ERC1: variants seen among roughly 807,000 people sequenced by gnomAD.
ERC1 encodes the protein ELKS/RAB6-interacting/CAST family member 1, also known as RAB6 interacting protein 2.
In ERC1, 56 loss-of-function variants were observed where a neutral mutation model predicts 132.0. That is an observed-to-expected ratio of 0.42 (90% CI 0.34 to 0.53). ERC1 has a LOEUF of 0.53. Among genes scored for constraint, ERC1 ranks in the 20% least tolerant of loss-of-function variants. The pLI is 0.03. For synonymous variants in ERC1, 478 were observed against 476.1 expected (o/e 1.00, Z -0.05); for missense variants, 1,202 against 1,349.9 (o/e 0.89, Z 1.72).
chr12:1,255,581 TG>T (rs2076745374), intron 13 of ERC1, among the ~76,000 whole-genome samples: 1 of 149,808 alleles, frequency 6.7e-6, no homozygotes. Flanking sequence ...AAAGCATTCC[TG>T]TTTTTCCACA....
chr12:1,180,253 A>T, intron 8 of ERC1, among the ~76,000 whole-genome samples: 2 of 146,700 alleles, frequency 1.4e-5, no homozygotes, highest in African/African-American at 5.0e-5. Flanking sequence ...TTTGTTAGGG[A>T]TGTGTGTGTG....
intron 2 of ERC1, among the ~76,000 whole-genome samples, chr12:1,041,536 G>C (rs1970216407): frequency 6.6e-6 from 1 of 152,110 alleles, no homozygotes; most frequent in South Asian, 2.1e-4. Flanking sequence ...AAGGAAAGGA[G>C]GACTACAAAT....
intron 12 of ERC1, among the ~76,000 whole-genome samples, chr12:1,200,880 G>A (rs1401126753): frequency 1.3e-5 from 2 of 152,044 alleles, no homozygotes; most frequent in Non-Finnish European, 2.9e-5. Context: ...TCTTACCATT[G>A]CCCATAATAT....
chr12:1,237,853 AT>A (rs1294277016), intron 13 of ERC1, among the ~76,000 whole-genome samples: 1 of 152,198 alleles, frequency 6.6e-6, no homozygotes, highest in African/African-American at 2.4e-5. Flanking sequence ...CTAGTTAACA[AT>A]TTCTAATTGG....
chr12:1,180,290 C>T (rs1250941377), intron 8 of ERC1, among the ~76,000 whole-genome samples: 348 of 130,030 alleles, frequency 2.7e-3, no homozygotes, highest in African/African-American at 0.015. Flanking sequence ...TGTGCGCGCA[C>T]GCGTGTGCGC....
intron 12 of ERC1, among the ~76,000 whole-genome samples, chr12:1,212,417 C>T (rs1387876889): frequency 6.6e-6 from 1 of 152,150 alleles, no homozygotes; most frequent in Admixed American, 6.5e-5. Context: ...ATCACCACCA[C>T]CTCCACCTCC....
intron 14 of ERC1, among the ~76,000 whole-genome samples, chr12:1,287,050 T>C (rs1024399741): frequency 3.3e-5 from 5 of 152,158 alleles, no homozygotes; most frequent in Admixed American, 6.5e-5. Flanking sequence ...ATTAAGATAA[T>C]GAATGTAGTA....
chr12:1,007,540 CTGTG>C (rs10570281), intron 1 of ERC1, among the ~76,000 whole-genome samples: 6,434 of 122,642 alleles, frequency 0.052, 264 homozygotes, highest in Admixed American at 0.14. Flanking sequence ...CTCTCTCTCT[CTGTG>C]TGTGTGTGTG....
intron 15 of ERC1, among the ~76,000 whole-genome samples, chr12:1,311,740 G>C (rs2081322225): frequency 6.6e-6 from 1 of 152,142 alleles, no homozygotes; most frequent in African/African-American, 2.4e-5. Flanking sequence ...TCAAAAAGAT[G>C]CAATTGCTTT....
chr12:1,434,761 T>C (rs2092904495), intron 17 of ERC1, among the ~76,000 whole-genome samples: 1 of 152,182 alleles, frequency 6.6e-6, no homozygotes, highest in Non-Finnish European at 1.5e-5. Flanking sequence ...ATGGTCCAGG[T>C]TGTGTAATCT....
chr12:1,245,940 T>C (rs1021270448), intron 13 of ERC1, among the ~76,000 whole-genome samples: 1 of 152,184 alleles, frequency 6.6e-6, no homozygotes, highest in Admixed American at 6.5e-5. Context: ...GATTTTTTTT[T>C]CTTTTTTTAA....
At chr12:1,467,439 A>G (rs918820339) in intron 18 of ERC1, among the ~76,000 whole-genome samples, 14 of 152,156 alleles carry the variant, frequency 9.2e-5, no homozygotes, top group Non-Finnish European at 1.9e-4. Context: ...CAATGGCCAG[A>G]TTAAAAACCA....
intron 3 of ERC1, among the ~76,000 whole-genome samples, chr12:1,102,727 T>G (rs1248915689): frequency 6.6e-6 from 1 of 152,172 alleles, no homozygotes; most frequent in Non-Finnish European, 1.5e-5. Context: ...TAGAGAATAA[T>G]AAGTAAACAT....
In ERC1 at chr12:1,023,658, A is replaced by G. The variant is rs376988893; in HGVS notation, c.-156-4090A>G. Among the ~76,000 whole-genome samples, 32 of 152,316 alleles carry G rather than the reference A, an allele frequency of 2.1e-4. No homozygotes were observed. In the South Asian group the frequency reaches 4.6e-3, roughly 22 times the overall value. On this transcript the variant is annotated intron_variant, in intron 1 of 18. Transcript: ENST00000360905. ...TGGAGGCAGGGAGAAAGGATTTCTTAAGGATGATATTGTAGTGTGAGAATA... is the reference window on the plus strand; with the variant it reads ...TGGAGGCAGGGAGAAAGGATTTCTTGAGGATGATATTGTAGTGTGAGAATA...
intron 1 of ERC1, among the ~76,000 whole-genome samples, chr12:1,023,370 A>G (rs1324700876): frequency 1.3e-5 from 2 of 151,962 alleles, no homozygotes; most frequent in Admixed American, 1.3e-4. Flanking sequence ...GATGTTATTC[A>G]TGTGAATAGA....
Position 1,492,759 on chromosome 12 carries a change from G to A in ERC1, c.*2529G>A, listed in dbSNP as rs542682340. The stretch of plus-strand genomic sequence containing the variant: ...GAGTTCAGTAATAAACGTGGCCTTC[G>A]TGCTGTAGGGCAGAGTGGATGCAGT... On this transcript the variant is annotated 3_prime_UTR_variant, in exon 19 of 19. Transcript: ENST00000360905. 1.7e-4 allele frequency: 40 copies of A among 232,364 alleles called. No individual in the cohort carries two copies. The highest frequency in any genetic ancestry group is 3.0e-4 in the East Asian group (5 of 16,494). The allele number at this position is 232,364 out of a possible 1,614,324, so 14.4% of individuals were successfully genotyped here. A position where few individuals can be genotyped will look rare whatever the true frequency, so the allele number is the denominator to read the frequency against.
chr12:1,454,764 G>A (rs1332561836), intron 18 of ERC1, among the ~76,000 whole-genome samples: 4 of 152,178 alleles, frequency 2.6e-5, no homozygotes, highest in Non-Finnish European at 5.9e-5. Flanking sequence ...TATTTTTAGC[G>A]TTTTAATACA....
chr12:1,302,393 A>C (rs919345624), intron 15 of ERC1, among the ~76,000 whole-genome samples: 3 of 152,318 alleles, frequency 2.0e-5, no homozygotes, highest in Admixed American at 1.3e-4. Context: ...CATCATACCT[A>C]ATGATGTAAG....
chr12:1,036,706 T>A (rs927170717), intron 2 of ERC1, among the ~76,000 whole-genome samples: 2 of 152,194 alleles, frequency 1.3e-5, no homozygotes, highest in African/African-American at 4.8e-5. Flanking sequence ...GGTTGCTAGT[T>A]GTTTCACTGT....
Sources: allele counts gnomAD v4.1 joint callset (sites outside exome capture counted in the v4.1 genomes callset), GRCh38; gene constraint gnomAD v4.1.1; transcripts MANE v1.5; gene names NCBI Gene and HGNC (gene_info 2026-07-23, HGNC 2026-07-21).